ERN1: variants seen among roughly 807,000 people sequenced by gnomAD.
ERN1 encodes the protein endoplasmic reticulum to nucleus signaling 1.
In ERN1, 39 loss-of-function variants were observed where a neutral mutation model predicts 113.1. The observed-to-expected ratio is 0.34, with a 90% CI of 0.27 to 0.45. ERN1 has a LOEUF of 0.45. Among genes scored for constraint, ERN1 ranks in the 20% least tolerant of loss-of-function variants. The pLI is 1.00. For missense variants in ERN1, 976 were observed against 1,274.8 expected (o/e 0.77, Z 3.57); for synonymous variants, 507 against 515.9 (o/e 0.98, Z 0.23).
chr17:64,109,149 G>A (rs1306565455), intron 1 of ERN1, among the ~76,000 whole-genome samples: 1 of 151,638 alleles, frequency 6.6e-6, no homozygotes, highest in Admixed American at 6.6e-5. Flanking sequence ...AAAAAAAGAA[G>A]TCCTCACGTA....
At chr17:64,062,790 C>T (rs111372) in intron 10 of ERN1, among the ~76,000 whole-genome samples, 145,845 of 152,288 alleles carry the variant, frequency 0.96, 70,176 homozygotes, top group East Asian at 1. Flanking sequence ...ACATGCTCCT[C>T]CAACTACTTC....
At chr17:64,069,131 G>T (rs1913329475) in intron 6 of ERN1, among the ~76,000 whole-genome samples, 2 of 152,202 alleles carry the variant, frequency 1.3e-5, no homozygotes, top group Non-Finnish European at 2.9e-5. Context: ...CAAAGTTGAA[G>T]CTGTAAGATC....
rs1225435072 is a variant in ERN1, at chr17:64,063,864, C to T, written c.1087+122G>A. 1.1e-5 allele frequency: 9 copies of T among 849,180 alleles called. No individual in the cohort carries two copies. The highest frequency in any genetic ancestry group is 3.5e-5 in the South Asian group (2 of 56,580). 52.6% of individuals were successfully genotyped at this position (849,180 alleles called of 1,614,324 possible). A position where few individuals can be genotyped will look rare whatever the true frequency, so the allele number is the denominator to read the frequency against. On this transcript the variant is annotated intron_variant, in intron 10 of 21. Coordinates refer to ENST00000433197, the MANE Select transcript of ERN1 (RefSeq NM_001433.5). This position sits in a 1 kb window ranked among gnomAD's most constrained non-coding sequence, Gnocchi z 5.1. The stretch of plus-strand genomic sequence containing the variant: ...ATGTCCCAAGGTCTCAGGGGCCAGC[C>T]GGGAAGGGCTCTGAGCACAAGGCCT...
At position 64,044,063 on chromosome 17, in the gene ERN1, G is replaced by A. The variant is rs1371371901; in HGVS notation, c.2859C>T (p.His953=). The change falls in exon 22 of 22, where the codon CAC becomes CAT. Residue 953 remains histidine, a synonymous_variant. Transcript: ENST00000433197. The surrounding 1 kb of genome is among the most constrained non-coding windows in gnomAD (Gnocchi z 4.1). ...AGTAGTAGGGCTGGAAGAGTCTCTC[G>A]TGGCTGCACAGCTCCATGGCCCGGT... ...HTYRAMELCS[H]ERLFQPYYFH... 23 of 1,613,626 alleles carry A rather than the reference G, an allele frequency of 1.4e-5. No individual in the cohort carries two copies. Among genetic ancestry groups the A allele is most frequent in the Admixed American group, 8.3e-5 (5 of 59,984 alleles).
chr17:64,045,845 G>T (rs1305826258), intron 19 of ERN1, among the ~76,000 whole-genome samples: 2 of 152,178 alleles, frequency 1.3e-5, no homozygotes, highest in African/African-American at 4.8e-5. Flanking sequence ...GCTCAGATTT[G>T]ATGTGCATCC....
At chr17:64,120,168 G>A (rs1914918884) in intron 1 of ERN1, among the ~76,000 whole-genome samples, 1 of 152,130 alleles carries the variant, frequency 6.6e-6, no homozygotes, top group Non-Finnish European at 1.5e-5. Flanking sequence ...AGCTCCCCAG[G>A]TGACTGAGTC....
At chr17:64,125,733 C>T (rs1915063912) in intron 1 of ERN1, among the ~76,000 whole-genome samples, 1 of 152,202 alleles carries the variant, frequency 6.6e-6, no homozygotes, top group African/African-American at 2.4e-5. Context: ...AAGTGATTCA[C>T]CCGCCTTGGC....
intron 1 of ERN1, among the ~76,000 whole-genome samples, chr17:64,106,761 CACA>C (rs1278562598): frequency 5.0e-5 from 7 of 140,248 alleles, no homozygotes; most frequent in African/African-American, 1.3e-4. Flanking sequence ...CACACACACA[CACA>C]AGCTCGCTGT....
intron 20 of ERN1, 147 bp downstream of exon 20, chr17:64,045,212 C>T: frequency 2.2e-6 from 2 of 897,938 alleles, no homozygotes; most frequent in Non-Finnish European, 1.7e-6. Context: ...GTAACCAAAC[C>T]ACAGAGGACA....
rs914877046 is a variant in ERN1, at chr17:64,054,354, G to A, written c.1849C>T (p.Arg617Ter). ...ACGTTCGGGTGCTCATCCGATTCTC[G>A]CAACAGCTGGACCTCACGGTCTGCG... ...SFADREVQLLRESDEHPNVIR... is the reference protein window; with the variant it reads ...SFADREVQLL The change falls in exon 15 of 22, where the codon CGA (arginine) becomes TGA (stop). Residue 617 changes from arginine (R) to a stop codon, truncating the protein, a stop_gained. Coordinates refer to ENST00000433197, the MANE Select transcript of ERN1 (RefSeq NM_001433.5). LOFTEE classifies it high-confidence loss of function. The surrounding 1 kb of genome is among the most constrained non-coding windows in gnomAD (Gnocchi z 4.9). 3 of 1,611,596 alleles carry A rather than the reference G, an allele frequency of 1.9e-6. No individual in the cohort carries two copies. The highest frequency in any genetic ancestry group is 1.7e-5 in the Admixed American group (1 of 59,734).
chr17:64,119,744 C>CTT (rs1469505539), intron 1 of ERN1, among the ~76,000 whole-genome samples: 1 of 151,986 alleles, frequency 6.6e-6, no homozygotes, highest in Non-Finnish European at 1.5e-5. Flanking sequence ...CTAGCGGACT[C>CTT]TATCAATCCT....
chr17:64,045,287 T>C, intron 20 of ERN1, 72 bp downstream of exon 20: 1 of 1,596,008 alleles, frequency 6.3e-7, no homozygotes, highest in Non-Finnish European at 8.6e-7. Context: ...AGCGGCCATT[T>C]CCACGTTTAC....
intron 1 of ERN1, among the ~76,000 whole-genome samples, chr17:64,124,702 TG>T (rs1299657605): frequency 2.6e-5 from 4 of 152,216 alleles, no homozygotes; most frequent in Admixed American, 6.5e-5. Context: ...GTCTCGGGTA[TG>T]TCTTTATCAG....
At position 64,068,190 on chromosome 17, in the gene ERN1, T is replaced by G; in HGVS notation, c.580A>C (p.Lys194Gln). Residue 194 changes from lysine to glutamine, a missense_variant and splice_region_variant, in exon 7 of 22, where the codon AAG becomes CAG. Physicochemically the swap from Lys to Gln is moderately conservative, Grantham distance 53. This residue lies in a region of ERN1 where 459 missense variants were observed against 581.2 expected (regional missense o/e 0.79). Transcript: ENST00000433197. The part of the protein sequence containing the change: ...ASLPEDDVDY[K>Q]MSHFVSNGDG... ...GTGAAATCCAGCAGAGAGCACTTAC[T>G]GTAGTCCACGTCGTCCTCAGGCAGT... 1 of 1,603,834 alleles carries G rather than the reference T, an allele frequency of 6.2e-7. No homozygotes were observed. Among genetic ancestry groups the G allele is most frequent in the South Asian group, 1.1e-5 (1 of 89,422 alleles).
Position 64,066,578 on chromosome 17 carries a change from T to C in ERN1, c.842+93A>G. 4.1e-6 allele frequency: 6 copies of C among 1,472,720 alleles called. No homozygotes were observed. In the South Asian group the frequency reaches 5.1e-5, roughly 13 times the overall value. 91.2% of individuals were successfully genotyped at this position (1,472,720 alleles called of 1,614,324 possible). Reference sequence around the variant, plus strand: ...CCTCATGGCTTCAGAGACTGCCCTGTCTTTGGCCTCCCGTGCAGGGCCTGC... The same window carrying C: ...CCTCATGGCTTCAGAGACTGCCCTGCCTTTGGCCTCCCGTGCAGGGCCTGC... On this transcript the variant is annotated intron_variant, in intron 8 of 21. Transcript: ENST00000433197.
At chr17:64,118,098 GAA>G (rs1914859258) in intron 1 of ERN1, among the ~76,000 whole-genome samples, 1 of 152,152 alleles carries the variant, frequency 6.6e-6, no homozygotes, top group Non-Finnish European at 1.5e-5. Flanking sequence ...GGCTGCACCA[GAA>G]AAAGAGGCGG....
In ERN1 at chr17:64,054,355, C is replaced by T; in HGVS notation, c.1848G>A (p.Leu616=). 2 of 1,612,106 alleles carry T rather than the reference C, an allele frequency of 1.2e-6. No homozygotes were observed. Among genetic ancestry groups the T allele is most frequent in the East Asian group, 2.2e-5 (1 of 44,838 alleles). ...CGTTCGGGTGCTCATCCGATTCTCG[C>T]AACAGCTGGACCTCACGGTCTGCGA... is the stretch of plus-strand genomic sequence containing the variant. ...FSFADREVQL[L]RESDEHPNVI... Residue 616 remains leucine, a synonymous_variant, in exon 15 of 22, where the codon TTG becomes TTA. Transcript: ENST00000433197. The surrounding 1 kb of genome is among the most constrained non-coding windows in gnomAD (Gnocchi z 4.9).
chr17:64,102,559 T>C (rs1914415996), intron 1 of ERN1: 1 of 765,104 alleles, frequency 1.3e-6, no homozygotes, highest in African/African-American at 1.9e-5. Flanking sequence ...CCCTCTGGCA[T>C]TTTTAAAAGC....
intron 12 of ERN1, among the ~76,000 whole-genome samples, chr17:64,056,809 A>C (rs1400973624): frequency 1.3e-5 from 2 of 152,212 alleles, no homozygotes; most frequent in Non-Finnish European, 2.9e-5. Context: ...TTTGTGGACA[A>C]GGGATCAATA....
Sources: allele counts gnomAD v4.1 joint callset (sites outside exome capture counted in the v4.1 genomes callset), GRCh38; gene constraint gnomAD v4.1.1; regional missense constraint gnomAD v4.1.1; non-coding constraint Gnocchi (gnomAD v3.1); transcripts MANE v1.5; gene names NCBI Gene and HGNC (gene_info 2026-07-23, HGNC 2026-07-21).